The following PHLDB2 variants were observed in gnomAD, a reference collection of about 807,000 sequenced individuals.
PHLDB2 encodes the protein pleckstrin homology like domain family B member 2, also known as pleckstrin homology-like domain family B member 2.
In PHLDB2, 71 loss-of-function variants were observed where a neutral mutation model predicts 123.6. That is an observed-to-expected ratio of 0.57 (90% CI 0.47 to 0.70). The LOEUF is 0.70. PHLDB2 is among the 30% of genes least tolerant of loss of function. The probability of loss-of-function intolerance (pLI) is 0.00; values close to 1 mark genes in which losing one functional copy is unlikely to be tolerated. For synonymous variants in PHLDB2, 547 were observed against 541.6 expected (o/e 1.01, Z -0.14); for missense variants, 1,446 against 1,519.5 (o/e 0.95, Z 0.80).
intron 1 of PHLDB2, among the ~76,000 whole-genome samples, chr3:111,788,802 G>A (rs574949070): frequency 6.6e-6 from 1 of 152,134 alleles, no homozygotes; most frequent in East Asian, 1.9e-4. Flanking sequence ...TTTTATGTGT[G>A]GCCCAAGACA....
chr3:111,739,599 A>ATG (rs1309027071), intron 1 of PHLDB2, among the ~76,000 whole-genome samples: 2 of 131,698 alleles, frequency 1.5e-5, no homozygotes, highest in Non-Finnish European at 3.1e-5. Context: ...AAAACAAACA[A>ATG]AAAAAAAAAA....
chr3:111,753,829 T>A lies in PHLDB2; in HGVS notation c.-49+21126T>A, dbSNP rs28748013. Among the ~76,000 whole-genome samples the A allele has an allele frequency of 3.0e-3, 464 of 152,230 alleles. 5 individuals carry two copies. The highest frequency in any genetic ancestry group is 0.01 in the African/African-American group (431 of 41,526). On this transcript the variant is annotated intron_variant, in intron 1 of 17. Transcript: ENST00000393923. ...TCCATCTTGAATTAATTTTTGTATA[T>A]GGTGTAAGGAAGGGATCCAGTTTCA...
intron 1 of PHLDB2, among the ~76,000 whole-genome samples, chr3:111,782,557 C>G (rs566098150): frequency 6.6e-6 from 1 of 152,108 alleles, no homozygotes; most frequent in African/African-American, 2.4e-5. Flanking sequence ...CAAATTCTTT[C>G]TTCTCTGTTT....
intron 1 of PHLDB2, among the ~76,000 whole-genome samples, chr3:111,879,835 G>C (rs896366419): frequency 2.6e-5 from 4 of 151,976 alleles, no homozygotes; most frequent in Admixed American, 1.3e-4. Flanking sequence ...TTTGTTTTCT[G>C]GTACTGCTTC....
At chr3:111,756,792 G>A (rs1179373319) in intron 1 of PHLDB2, among the ~76,000 whole-genome samples, 1 of 152,170 alleles carries the variant, frequency 6.6e-6, no homozygotes, top group African/African-American at 2.4e-5. Flanking sequence ...GGTACCTGTT[G>A]TTCCTTTCCA....
chr3:111,812,970 T>C (rs911287163), intron 1 of PHLDB2, among the ~76,000 whole-genome samples: 2 of 152,174 alleles, frequency 1.3e-5, no homozygotes, highest in East Asian at 1.9e-4. Context: ...CATTGCTTTG[T>C]GACTGGTATT....
chr3:111,861,882 ACT>A (rs2064850798), intron 1 of PHLDB2, among the ~76,000 whole-genome samples: 1 of 152,044 alleles, frequency 6.6e-6, no homozygotes, highest in African/African-American at 2.4e-5. Context: ...GCAAGGGTTG[ACT>A]CTCGAGTTCA....
chr3:111,854,309 T>C (rs1250246754), upstream of PHLDB2, among the ~76,000 whole-genome samples: 4 of 152,220 alleles, frequency 2.6e-5, no homozygotes, highest in Non-Finnish European at 4.4e-5. Flanking sequence ...AGATTTGGTT[T>C]GGGACACAGA....
intron 1 of PHLDB2, among the ~76,000 whole-genome samples, chr3:111,784,866 T>A (rs2060619367): frequency 2.0e-5 from 3 of 152,106 alleles, no homozygotes; most frequent in Admixed American, 1.3e-4. Flanking sequence ...CCTAACCAAT[T>A]CCCTATTGTA....
At chr3:111,944,736 A>G (rs1200344098) in intron 8 of PHLDB2, among the ~76,000 whole-genome samples, 1 of 152,110 alleles carries the variant, frequency 6.6e-6, no homozygotes, top group Non-Finnish European at 1.5e-5. Context: ...GCTGCAGTGC[A>G]GTGGCGCGAT....
chr3:111,793,097 G>T (rs6798476), intron 1 of PHLDB2, among the ~76,000 whole-genome samples: 29,615 of 152,074 alleles, frequency 0.19, 3,809 homozygotes, highest in African/African-American at 0.38. Flanking sequence ...ATCCAGCCAG[G>T]CTTGTGGTCT....
At chr3:111,830,808 CAAAAAAAAAAAA>C (rs11475835) in intron 1 of PHLDB2, among the ~76,000 whole-genome samples, 3 of 53,334 alleles carry the variant, frequency 5.6e-5, no homozygotes, top group African/African-American at 7.7e-5. Flanking sequence ...GACTCCGTCT[CAAAAAAAAAAAA>C]AAAAAAAAAA....
chr3:111,910,639 C>G (rs2067831300), intron 2 of PHLDB2, among the ~76,000 whole-genome samples: 1 of 152,134 alleles, frequency 6.6e-6, no homozygotes, highest in South Asian at 2.1e-4. Context: ...AATGGTCATT[C>G]TGGATTTGGG....
chr3:111,955,347 A>G (rs914515849), intron 12 of PHLDB2, among the ~76,000 whole-genome samples: 4 of 152,078 alleles, frequency 2.6e-5, no homozygotes, highest in Non-Finnish European at 5.9e-5. Flanking sequence ...TATTCTTTTG[A>G]TGTTTATAAA....
At chr3:111,907,988 G>A (rs932494804) in intron 2 of PHLDB2, among the ~76,000 whole-genome samples, 2 of 152,050 alleles carry the variant, frequency 1.3e-5, no homozygotes, top group Admixed American at 6.5e-5. Flanking sequence ...GTAGAGATGG[G>A]GTTTTGCCAT....
intron 1 of PHLDB2, among the ~76,000 whole-genome samples, chr3:111,750,950 A>G (rs1476302560): frequency 2.4e-5 from 2 of 84,832 alleles, no homozygotes; most frequent in Non-Finnish European, 4.5e-5. Flanking sequence ...TCTGTCTCAA[A>G]AAAAAAAAAA....
At chr3:111,889,104 A>G (rs959100045) in intron 2 of PHLDB2, among the ~76,000 whole-genome samples, 1 of 152,232 alleles carries the variant, frequency 6.6e-6, no homozygotes, top group Non-Finnish European at 1.5e-5. Context: ...TCTTAATTTT[A>G]TAGAAGTAAT....
At chr3:111,802,410 T>C (rs556397426) in intron 1 of PHLDB2, among the ~76,000 whole-genome samples, 1 of 152,296 alleles carries the variant, frequency 6.6e-6, no homozygotes, top group African/African-American at 2.4e-5. Context: ...CCACTAGCCT[T>C]GTATCTCAGG....
chr3:111,774,131 G>T (rs1029498283), intron 1 of PHLDB2, among the ~76,000 whole-genome samples: 1 of 152,222 alleles, frequency 6.6e-6, no homozygotes, highest in Non-Finnish European at 1.5e-5. Flanking sequence ...GTAGGGAGGA[G>T]AAAGCCAGTG....
Sources: gnomAD v4.1 joint callset for allele counts (sites outside exome capture counted in the v4.1 genomes callset) on GRCh38, gnomAD v4.1.1 for gene constraint, MANE v1.5 for transcripts, NCBI Gene and HGNC (gene_info 2026-07-23, HGNC 2026-07-21) for gene names.